ERBB4: variants seen among roughly 807,000 people sequenced by gnomAD.
ERBB4 encodes erb-b2 receptor tyrosine kinase 4, also known as receptor tyrosine-protein kinase erbB-4.
In ERBB4, 42 loss-of-function variants were observed where a neutral mutation model predicts 158.0. The ratio of observed to expected loss-of-function variants is 0.27; its 90% confidence interval spans 0.21 to 0.34. The LOEUF is 0.34. ERBB4 is among the 10% of genes least tolerant of loss of function. ERBB4 has a pLI of 1.00. For synonymous variants in ERBB4, 583 were observed against 558.7 expected, an observed-to-expected ratio of 1.04 and a Z score of -0.61; for missense variants, 1,333 against 1,624.1, an observed-to-expected ratio of 0.82 and a Z score of 3.08.
intron 1 of ERBB4, among the ~76,000 whole-genome samples, chr2:212,372,135 C>T (rs2106386277): frequency 6.6e-6 from 1 of 152,196 alleles, no homozygotes; most frequent in East Asian, 1.9e-4. Context: ...AGTCCTGAAT[C>T]TCGTAGCCCC....
At chr2:211,812,987 C>A (rs567127235) in intron 3 of ERBB4, among the ~76,000 whole-genome samples, 1 of 152,292 alleles carries the variant, frequency 6.6e-6, no homozygotes, top group East Asian at 1.9e-4. Context: ...ATCCCCTGAC[C>A]CTTTGCACTT....
intron 1 of ERBB4, among the ~76,000 whole-genome samples, chr2:212,370,536 C>A (rs2090049617): frequency 6.6e-6 from 1 of 152,118 alleles, no homozygotes; most frequent in Admixed American, 6.6e-5. Flanking sequence ...CTGATACATT[C>A]TTAGCTACTT....
At chr2:211,487,027 AG>A (rs2065223229) in intron 20 of ERBB4, among the ~76,000 whole-genome samples, 1 of 151,512 alleles carries the variant, frequency 6.6e-6, no homozygotes, top group South Asian at 2.1e-4. Context: ...TTTAAGTTTT[AG>A]GGTACATGTG....
At chr2:211,839,359 A>T (rs1201255225) in intron 3 of ERBB4, among the ~76,000 whole-genome samples, 1 of 99,118 alleles carries the variant, frequency 1.0e-5, no homozygotes, top group African/African-American at 2.7e-5. Context: ...GATATACAAG[A>T]TATAATAAAA....
Position 212,248,266 on chromosome 2 carries a change from G to A in ERBB4, c.83-123363C>T, listed in dbSNP as rs139116061. Among the ~76,000 whole-genome samples the A allele has an allele frequency of 1.9e-3, 296 of 152,162 alleles. 1 individual carries two copies. Among genetic ancestry groups the A allele is most frequent in the African/African-American group, 6.6e-3 (274 of 41,544 alleles). Reference sequence around the variant, plus strand: ...TTTTGAGCCTATGCCAAATTTTTGCGTTTACATACATGATCATTTTAAGGT... The same window carrying A: ...TTTTGAGCCTATGCCAAATTTTTGCATTTACATACATGATCATTTTAAGGT... On this transcript the variant is annotated intron_variant, in intron 1 of 27. Coordinates refer to ENST00000342788, the MANE Select transcript of ERBB4 (RefSeq NM_005235.3).
At chr2:211,847,384 A>G (rs920453949) in intron 3 of ERBB4, among the ~76,000 whole-genome samples, 23 of 152,152 alleles carry the variant, frequency 1.5e-4, no homozygotes, top group Non-Finnish European at 2.9e-4. Flanking sequence ...TAATTAATTC[A>G]TTTGCCACTC....
At chr2:211,388,648 C>A (rs1463266005) in intron 25 of ERBB4, among the ~76,000 whole-genome samples, 1 of 151,422 alleles carries the variant, frequency 6.6e-6, no homozygotes, top group Non-Finnish European at 1.5e-5. Flanking sequence ...CTTTAGATTC[C>A]CCTTATGGTA....
At chr2:212,439,461 A>G (rs1449389264) in intron 1 of ERBB4, among the ~76,000 whole-genome samples, 1 of 152,154 alleles carries the variant, frequency 6.6e-6, no homozygotes, top group African/African-American at 2.4e-5. Flanking sequence ...TCCATTGGTT[A>G]TGAATTAATG....
chr2:211,878,933 A>C (rs1429854182), intron 3 of ERBB4, among the ~76,000 whole-genome samples: 2 of 152,226 alleles, frequency 1.3e-5, no homozygotes, highest in African/African-American at 2.4e-5. Context: ...AAGAAAGACT[A>C]ACATTCACTG....
intron 2 of ERBB4, among the ~76,000 whole-genome samples, chr2:212,032,896 G>A (rs1453827091): frequency 2.0e-5 from 3 of 151,784 alleles, no homozygotes; most frequent in Admixed American, 1.3e-4. Flanking sequence ...TTTTTTCTCA[G>A]AGAGAAAAGG....
chr2:212,093,690 C>T (rs1196827346), intron 2 of ERBB4, among the ~76,000 whole-genome samples: 1 of 152,124 alleles, frequency 6.6e-6, no homozygotes, highest in African/African-American at 2.4e-5. Flanking sequence ...TGATAGTTCT[C>T]ACCTTGTGGT....
intron 3 of ERBB4, among the ~76,000 whole-genome samples, chr2:211,854,875 G>C (rs940655432): frequency 6.6e-6 from 1 of 152,030 alleles, no homozygotes; most frequent in African/African-American, 2.4e-5. Flanking sequence ...AAACATAAAA[G>C]TGAATTCTAA....
chr2:212,052,096 T>C (rs1188879924), intron 2 of ERBB4, among the ~76,000 whole-genome samples: 1 of 152,210 alleles, frequency 6.6e-6, no homozygotes, highest in Non-Finnish European at 1.5e-5. Context: ...ACCTGCAATC[T>C]GGGTAGGCAC....
chr2:211,529,962 G>A (rs2066451325), intron 20 of ERBB4, among the ~76,000 whole-genome samples: 1 of 151,968 alleles, frequency 6.6e-6, no homozygotes, highest in Admixed American at 6.6e-5. Context: ...CCTCACCATT[G>A]TTATTCAGGA....
At chr2:211,899,499 A>G (rs1027387068) in intron 3 of ERBB4, among the ~76,000 whole-genome samples, 2 of 152,164 alleles carry the variant, frequency 1.3e-5, no homozygotes, top group African/African-American at 4.8e-5. Context: ...CTAAACAGAA[A>G]TTACGAAACC....
intron 3 of ERBB4, among the ~76,000 whole-genome samples, chr2:211,808,470 C>G (rs1401659699): frequency 6.6e-6 from 1 of 152,016 alleles, no homozygotes; most frequent in East Asian, 1.9e-4. Flanking sequence ...GGCCTCTGTT[C>G]TGTTCCATTG....
chr2:212,080,396 A>G (rs2078401517), intron 2 of ERBB4, among the ~76,000 whole-genome samples: 1 of 151,496 alleles, frequency 6.6e-6, no homozygotes, highest in African/African-American at 2.4e-5. Context: ...ATAGGCAAGA[A>G]AAAATGATAC....
chr2:211,746,681 T>C (rs936721051), intron 5 of ERBB4, among the ~76,000 whole-genome samples: 1 of 151,930 alleles, frequency 6.6e-6, no homozygotes, highest in Non-Finnish European at 1.5e-5. Context: ...GTACAAAAAA[T>C]TAGCCAGGCG....
At chr2:211,524,322 G>A (rs897570613) in intron 20 of ERBB4, among the ~76,000 whole-genome samples, 1 of 152,160 alleles carries the variant, frequency 6.6e-6, no homozygotes, top group East Asian at 1.9e-4. Flanking sequence ...TCACCCAGTG[G>A]ATCCCTCACG....
Sources: gnomAD v4.1 joint callset for allele counts (sites outside exome capture counted in the v4.1 genomes callset) on GRCh38, gnomAD v4.1.1 for gene constraint, MANE v1.5 for transcripts, NCBI Gene and HGNC (gene_info 2026-07-23, HGNC 2026-07-21) for gene names.